The following SLC4A4 variants were observed in gnomAD, a reference collection of about 807,000 sequenced individuals.
SLC4A4 encodes solute carrier family 4 member 4.
SLC4A4 carries 27 observed loss-of-function variants against 111.5 expected under a neutral mutation model. The observed-to-expected ratio is 0.24, with a 90% CI of 0.18 to 0.33. SLC4A4 has a LOEUF of 0.33. Ranked by LOEUF, SLC4A4 falls within the 10% of genes least tolerant of loss-of-function variation. The pLI is 1.00. For missense variants in SLC4A4, 909 were observed against 1,315.5 expected (o/e 0.69, Z 4.78); for synonymous variants, 443 against 463.4 (o/e 0.96, Z 0.57).
intron 3 of SLC4A4, among the ~76,000 whole-genome samples, chr4:71,262,301 C>G (rs1721915778): frequency 6.6e-6 from 1 of 152,066 alleles, no homozygotes; most frequent in African/African-American, 2.4e-5. Context: ...CTCATAAATG[C>G]AGAAGTAGTT....
chr4:71,403,625 T>C (rs1284028112), intron 7 of SLC4A4, among the ~76,000 whole-genome samples: 2 of 152,170 alleles, frequency 1.3e-5, no homozygotes, highest in East Asian at 3.9e-4. Flanking sequence ...ATGAAGATGA[T>C]GTGTTCAAGA....
At chr4:71,431,155 T>C (rs1392661916) in intron 7 of SLC4A4, among the ~76,000 whole-genome samples, 1 of 152,112 alleles carries the variant, frequency 6.6e-6, no homozygotes, top group Non-Finnish European at 1.5e-5. Context: ...TCCAGGGAGC[T>C]TACATTGCAG....
Position 71,440,647 on chromosome 4 carries a change from G to A in SLC4A4, c.839G>A (p.Arg280His), listed in dbSNP as rs376230462. 8.4e-5 allele frequency: 136 copies of A among 1,614,072 alleles called. No homozygotes were observed. Among genetic ancestry groups the A allele is most frequent in the Non-Finnish European group, 1.0e-4 (118 of 1,179,986 alleles). ...LKNKFMKKLP[R>H]DAEASNVLVG... is the part of the protein sequence containing the mutation. ...AATAAGTTCATGAAAAAATTGCCAC[G>A]TGATGCAGAAGCTTCCAACGTGCTT... Residue 280 changes from arginine (R) to histidine (H), a missense_variant, in exon 8 of 26, where the codon CGT becomes CAT. By Grantham distance (29) the Arg-to-His change is conservative (BLOSUM62 0). Coordinates refer to ENST00000264485, the MANE Select transcript of SLC4A4 (RefSeq NM_001098484.3).
chr4:71,122,033 G>A (rs781161221), intron 2 of SLC4A4, among the ~76,000 whole-genome samples: 32 of 152,094 alleles, frequency 2.1e-4, no homozygotes, highest in South Asian at 6.2e-4. Context: ...TGAAGCCAGC[G>A]AGACCACGAA....
chr4:71,223,256 A>G (rs912015030), intron 1 of SLC4A4, among the ~76,000 whole-genome samples: 3 of 151,458 alleles, frequency 2.0e-5, no homozygotes, highest in Non-Finnish European at 2.9e-5. Context: ...GCTCACTGCA[A>G]GCTCCACCTC....
At chr4:71,397,003 T>G (rs1189282501) in intron 6 of SLC4A4, among the ~76,000 whole-genome samples, 1 of 152,192 alleles carries the variant, frequency 6.6e-6, no homozygotes, top group Non-Finnish European at 1.5e-5. Flanking sequence ...AGAGTGAGGA[T>G]TCTACATCAG....
chr4:71,525,605 T>G (rs1733346627), intron 16 of SLC4A4, among the ~76,000 whole-genome samples: 1 of 152,140 alleles, frequency 6.6e-6, no homozygotes, highest in African/African-American at 2.4e-5. Flanking sequence ...AGACTTAACA[T>G]TTGATTTGGA....
chr4:71,254,760 A>G (rs900033090), intron 2 of SLC4A4, among the ~76,000 whole-genome samples: 1 of 152,084 alleles, frequency 6.6e-6, no homozygotes, highest in African/African-American at 2.4e-5. Flanking sequence ...TCCAGCAGGC[A>G]CTAACCCTAC....
rs1219413604 is a variant in SLC4A4, at chr4:71,570,904, A to T, written c.*3153A>T. ...ATGTCCCTGCCTCTTCTCCCAATCA[A>T]GGTTGAGGAGTGGGGCTGGGGAGAG... On this transcript the variant is annotated 3_prime_UTR_variant, in exon 26 of 26. Transcript: ENST00000264485. The T allele has an allele frequency of 6.6e-6, 1 of 152,146 alleles. No individual in the cohort carries two copies. The highest frequency in any genetic ancestry group is 1.5e-5 in the Non-Finnish European group (1 of 67,850). The allele number at this position is 152,146 out of a possible 1,614,324, so 9.4% of individuals were successfully genotyped here.
At chr4:71,535,810 A>C (rs751589125) in intron 18 of SLC4A4, among the ~76,000 whole-genome samples, 3 of 151,978 alleles carry the variant, frequency 2.0e-5, no homozygotes, top group South Asian at 2.1e-4. Context: ...ATAAAGCACG[A>C]AAACAAGTGA....
At chr4:71,089,669 C>A (rs1281779597) in intron 1 of SLC4A4, among the ~76,000 whole-genome samples, 1 of 151,944 alleles carries the variant, frequency 6.6e-6, no homozygotes, top group Non-Finnish European at 1.5e-5. Flanking sequence ...CCAATACAGA[C>A]CCTGTTTGCC....
intron 2 of SLC4A4, among the ~76,000 whole-genome samples, chr4:71,108,865 C>G (rs1450363541): frequency 6.6e-6 from 1 of 152,036 alleles, no homozygotes; most frequent in East Asian, 1.9e-4. Context: ...ATTGGTATTT[C>G]AATCTGTTCA....
intron 7 of SLC4A4, among the ~76,000 whole-genome samples, chr4:71,428,282 A>G (rs1437158479): frequency 2.6e-5 from 4 of 152,142 alleles, no homozygotes; most frequent in African/African-American, 9.7e-5. Flanking sequence ...TTAAGATTCT[A>G]CAGTATGTAA....
At chr4:71,326,448 G>A (rs1485221393) in intron 3 of SLC4A4, among the ~76,000 whole-genome samples, 1 of 152,022 alleles carries the variant, frequency 6.6e-6, no homozygotes, top group Non-Finnish European at 1.5e-5. Flanking sequence ...GGGTCAGCAT[G>A]ATAACATGGG....
At chr4:71,098,103 C>T (rs1341097207) in intron 2 of SLC4A4, among the ~76,000 whole-genome samples, 2 of 152,118 alleles carry the variant, frequency 1.3e-5, no homozygotes, top group Admixed American at 1.3e-4. Context: ...TTTGCCTGTT[C>T]CTATGTCCAG....
intron 2 of SLC4A4, among the ~76,000 whole-genome samples, chr4:71,180,342 T>A (rs1426049550): frequency 6.6e-6 from 1 of 152,144 alleles, no homozygotes; most frequent in Non-Finnish European, 1.5e-5. Flanking sequence ...AAAGCCAAAA[T>A]TGACAAATGG....
chr4:71,307,207 T>A (rs1725759094), intron 3 of SLC4A4, among the ~76,000 whole-genome samples: 1 of 152,200 alleles, frequency 6.6e-6, no homozygotes, highest in Admixed American at 6.5e-5. Context: ...ATAAGGAACT[T>A]ACTACAGTAG....
chr4:71,426,157 C>G (rs1188802353), intron 7 of SLC4A4, among the ~76,000 whole-genome samples: 2 of 151,884 alleles, frequency 1.3e-5, no homozygotes, highest in Non-Finnish European at 2.9e-5. Flanking sequence ...TACAAAAAGT[C>G]TTAAAATCTC....
intron 7 of SLC4A4, among the ~76,000 whole-genome samples, chr4:71,421,821 G>A (rs1340350115): frequency 2.6e-5 from 4 of 151,944 alleles, no homozygotes; most frequent in Non-Finnish European, 5.9e-5. Flanking sequence ...AGAATCTCTG[G>A]GACACATTCA....
Sources: gnomAD v4.1 joint callset for allele counts (sites outside exome capture counted in the v4.1 genomes callset) on GRCh38, gnomAD v4.1.1 for gene constraint, MANE v1.5 for transcripts, NCBI Gene and HGNC (gene_info 2026-07-23, HGNC 2026-07-21) for gene names.